SMARCAL1: variants seen among roughly 807,000 people sequenced by gnomAD.
SMARCAL1 encodes the protein ATP-driven annealing helicase.
In SMARCAL1, 58 loss-of-function variants were observed where a neutral mutation model predicts 94.5. That is an observed-to-expected ratio of 0.61 (90% CI 0.50 to 0.76). The LOEUF (loss-of-function observed/expected upper bound fraction) is 0.76. Among genes scored for constraint, SMARCAL1 ranks in the 30% least tolerant of loss-of-function variants. The probability of loss-of-function intolerance (pLI) is 0.00; values close to 1 mark genes in which losing one functional copy is unlikely to be tolerated. For missense variants in SMARCAL1, 1,051 were observed against 1,177.9 expected (o/e 0.89, Z 1.58); for synonymous variants, 422 against 455.1 (o/e 0.93, Z 0.93).
chr2:216,441,887 CTT>C (rs1178392828), intron 10 of SMARCAL1, among the ~76,000 whole-genome samples: 3 of 151,998 alleles, frequency 2.0e-5, no homozygotes. Flanking sequence ...GTTTAGTTGT[CTT>C]TTGTCTACAC....
In SMARCAL1 at chr2:216,416,296, A is replaced by G. The variant is rs577415227; in HGVS notation, c.851A>G (p.Tyr284Cys). The G allele has an allele frequency of 3.7e-6, 6 of 1,613,518 alleles. No individual in the cohort carries two copies. The highest frequency in any genetic ancestry group is 2.7e-5 in the African/African-American group (2 of 75,052). The change falls in exon 4 of 18, where the codon TAT becomes TGT. Residue 284 changes from tyrosine (Y) to cysteine (C), a missense_variant. Tyr to Cys is a radical substitution (Grantham distance 194, BLOSUM62 -2). Coordinates refer to ENST00000357276, the MANE Select transcript of SMARCAL1 (RefSeq NM_014140.4). ...TKTWNFSMND[Y>C]SALMKAAQSL... The stretch of plus-strand genomic sequence containing the variant: ...ACGTGGAACTTCAGCATGAATGACT[A>G]TAGTGCCCTGAGTAAGTAGACACAT...
chr2:216,463,673 AC>A (rs1694759543), intron 12 of SMARCAL1, among the ~76,000 whole-genome samples: 1 of 152,188 alleles, frequency 6.6e-6, no homozygotes, highest in South Asian at 2.1e-4. Context: ...TAAAGAAAAC[AC>A]CGTTTCTTCT....
intron 1 of SMARCAL1, 30 bp from the exon 2 acceptor site, chr2:216,413,826 G>A (rs1246015998): frequency 6.6e-6 from 1 of 152,206 alleles, no homozygotes; most frequent in South Asian, 2.1e-4. Context: ...TGCAGGCTAT[G>A]GGAGGCTAAT....
In SMARCAL1 at chr2:216,432,830, G is replaced by A; in HGVS notation, c.1447G>A (p.Val483Met). The part of the protein sequence containing the change: ...AFYRKEWPLL[V>M]VVPSSVRFTW... Reference sequence around the variant, plus strand: ...TTACCGGAAGGAGTGGCCGCTCCTGGTGGTGGTGCCATCCTCCGTGCGCTT... The same window carrying A: ...TTACCGGAAGGAGTGGCCGCTCCTGATGGTGGTGCCATCCTCCGTGCGCTT... Residue 483 changes from valine to methionine, a missense_variant, in exon 8 of 18, where the codon GTG becomes ATG. By Grantham distance (21) the Val-to-Met change is conservative. This residue lies in a region of SMARCAL1 where 642 missense variants were observed against 754.7 expected (regional missense o/e 0.85). Transcript: ENST00000357276. The A allele has an allele frequency of 6.2e-7, 1 of 1,614,240 alleles. No individual in the cohort carries two copies. Among genetic ancestry groups the A allele is most frequent in the Non-Finnish European group, 8.5e-7 (1 of 1,180,034 alleles).
At chr2:216,481,650 C>T (rs922299887) in intron 17 of SMARCAL1, among the ~76,000 whole-genome samples, 3 of 151,742 alleles carry the variant, frequency 2.0e-5, no homozygotes, top group East Asian at 3.9e-4. Context: ...ACTACAGGCA[C>T]GCACCACCAT....
intron 4 of SMARCAL1, among the ~76,000 whole-genome samples, chr2:216,418,367 C>G (rs1485058951): frequency 6.6e-6 from 1 of 152,198 alleles, no homozygotes; most frequent in African/African-American, 2.4e-5. Flanking sequence ...TGTTTGGCTC[C>G]TCTGCATCTT....
chr2:216,413,084 C>T (rs577975385), intron 1 of SMARCAL1: 2 of 150,998 alleles, frequency 1.3e-5, no homozygotes, highest in Non-Finnish European at 2.9e-5. Context: ...AACCTCTTCA[C>T]CCCTTCCTAA....
intron 12 of SMARCAL1, among the ~76,000 whole-genome samples, chr2:216,459,173 C>G (rs180856451): frequency 6.6e-6 from 1 of 151,744 alleles, no homozygotes; most frequent in South Asian, 2.1e-4. Context: ...ACTGGCTCAA[C>G]GAAATAAAAG....
At chr2:216,450,232 G>A (rs1321437799) in intron 11 of SMARCAL1, among the ~76,000 whole-genome samples, 1 of 152,214 alleles carries the variant, frequency 6.6e-6, no homozygotes, top group African/African-American at 2.4e-5. Context: ...AGGGAGCCAT[G>A]TTTATGAAGG....
chr2:216,459,695 TA>T (rs1368588611), intron 12 of SMARCAL1, among the ~76,000 whole-genome samples: 33 of 152,088 alleles, frequency 2.2e-4, no homozygotes, highest in Admixed American at 1.4e-3. Flanking sequence ...CAAGATGGAT[TA>T]AAGACTTAAA....
In SMARCAL1 at chr2:216,464,599, A is replaced by G. The variant is rs112200018; in HGVS notation, c.2073A>G (p.Lys691=). ...ATTCTTAACTTATCTTTCAACAGAA[A>G]CAGCAGCAGAAAGATGCCCTCATTC... ...AKEMTTKDKT[K]QQQKDALILF... Residue 691 remains lysine (K), a splice_region_variant and synonymous_variant, in exon 13 of 18, where the codon AAA becomes AAG. Transcript: ENST00000357276. 2.0e-5 allele frequency: 33 copies of G among 1,612,220 alleles called. No homozygotes were observed. The African/African-American group carries it at 3.6e-4, about 18-fold the overall frequency.
intron 14 of SMARCAL1, among the ~76,000 whole-genome samples, chr2:216,468,570 T>A (rs1429138386): frequency 6.6e-6 from 1 of 152,232 alleles, no homozygotes; most frequent in East Asian, 1.9e-4. Context: ...CATCCCCTTT[T>A]CATTTTTGGT....
At position 216,455,091 on chromosome 2, in the gene SMARCAL1, G is replaced by T. The variant is rs912037410; in HGVS notation, c.2070+4027G>T. Among the ~76,000 whole-genome samples, 4 of 152,348 alleles carry T rather than the reference G, an allele frequency of 2.6e-5. No individual in the cohort carries two copies. The East Asian group carries it at 5.8e-4, about 22-fold the overall frequency. On this transcript the variant is annotated intron_variant, in intron 12 of 17. Coordinates refer to ENST00000357276, the MANE Select transcript of SMARCAL1 (RefSeq NM_014140.4). ...CTCGCATGGTCCCACGCCCACGGAG[G>T]CTCGCTCATTGCTAGCACAGCAGTC... is the stretch of plus-strand genomic sequence containing the variant.
intron 11 of SMARCAL1, among the ~76,000 whole-genome samples, chr2:216,448,438 C>T (rs1221652504): frequency 3.3e-5 from 5 of 152,144 alleles, no homozygotes; most frequent in Non-Finnish European, 7.4e-5. Context: ...GCCTTTCTTC[C>T]CCAAACTGTC....
chr2:216,475,345 C>G lies in SMARCAL1; in HGVS notation c.2321C>G (p.Ser774Trp), dbSNP rs149425324. 6.2e-7 allele frequency: 1 copy of G among 1,614,188 alleles called. No homozygotes were observed. Among genetic ancestry groups the G allele is most frequent in the Non-Finnish European group, 8.5e-7 (1 of 1,180,028 alleles). ...REDLCQQFQL[S>W]ERHAVAVLSI... ...GACCTGTGCCAGCAGTTCCAACTGT[C>G]GGAGAGGCATGCTGTGGCCGTGCTG... The change falls in exon 15 of 18, where the codon TCG (serine) becomes TGG (tryptophan). Residue 774 changes from serine (S) to tryptophan (W), a missense_variant. This residue lies in a region of SMARCAL1 where 642 missense variants were observed against 754.7 expected (regional missense o/e 0.85). Transcript: ENST00000357276. This position sits in a 1 kb window ranked among gnomAD's most constrained non-coding sequence, Gnocchi z 4.4.
At chr2:216,435,115 C>T (rs992197513) in intron 8 of SMARCAL1, among the ~76,000 whole-genome samples, 1 of 152,050 alleles carries the variant, frequency 6.6e-6, no homozygotes, top group African/African-American at 2.4e-5. Flanking sequence ...TCCTCAGCCT[C>T]CCAAAGTGCT....
Position 216,420,368 on chromosome 2 carries a change from C to A in SMARCAL1, c.932C>A (p.Ser311Ter). 6.2e-7 allele frequency: 1 copy of A among 1,614,230 alleles called. No individual in the cohort carries two copies. Among genetic ancestry groups the A allele is most frequent in the Non-Finnish European group, 8.5e-7 (1 of 1,180,046 alleles). The change falls in exon 5 of 18, where the codon TCA (serine) becomes TAA (stop). Residue 311 changes from serine (S) to a stop codon, truncating the protein, a stop_gained. Transcript: ENST00000357276. LOFTEE classifies it high-confidence loss of function. ...GAATGGGCCTATGGCAGCAGCGAGTCACCCTCCACCAGCAGTGAGGGACAG... is the reference window on the plus strand; with the variant it reads ...GAATGGGCCTATGGCAGCAGCGAGTAACCCTCCACCAGCAGTGAGGGACAG... ...PLEWAYGSSE[S>*]PSTSSEGQAG...
intron 14 of SMARCAL1, among the ~76,000 whole-genome samples, chr2:216,471,116 A>G (rs1694956851): frequency 6.6e-6 from 1 of 152,092 alleles, no homozygotes; most frequent in African/African-American, 2.4e-5. Context: ...GTAATTGCCT[A>G]AATAATTGGG....
chr2:216,453,369 C>T (rs1379209902), intron 12 of SMARCAL1, among the ~76,000 whole-genome samples: 1 of 152,168 alleles, frequency 6.6e-6, no homozygotes, highest in Non-Finnish European at 1.5e-5. Flanking sequence ...GAACTTGATG[C>T]CTTTTTGTGT....
Sources: allele counts gnomAD v4.1 joint callset (sites outside exome capture counted in the v4.1 genomes callset), GRCh38; gene constraint gnomAD v4.1.1; regional missense constraint gnomAD v4.1.1; non-coding constraint Gnocchi (gnomAD v3.1); transcripts MANE v1.5; gene names NCBI Gene and HGNC (gene_info 2026-07-23, HGNC 2026-07-21).